IL1RAP: variants seen among roughly 807,000 people sequenced by gnomAD.
IL1RAP encodes interleukin-1 receptor accessory protein.
A neutral mutation model predicts 60.7 loss-of-function variants in IL1RAP; 35 were observed. The observed-to-expected ratio is 0.58, with a 90% CI of 0.44 to 0.76. IL1RAP has a LOEUF of 0.76. IL1RAP is among the 30% of genes least tolerant of loss of function. IL1RAP has a pLI of 0.00. For missense variants in IL1RAP, 572 were observed against 693.9 expected (o/e 0.82, Z 1.97); for synonymous variants, 268 against 250.9 (o/e 1.07, Z -0.64).
intron 3 of IL1RAP, among the ~76,000 whole-genome samples, chr3:190,579,523 C>G (rs934257954): frequency 2.0e-5 from 3 of 152,064 alleles, no homozygotes; most frequent in Non-Finnish European, 4.4e-5. Flanking sequence ...TCCTCTGTTC[C>G]CAAGCCCATT....
chr3:190,608,315 G>C (rs947560116), intron 4 of IL1RAP, among the ~76,000 whole-genome samples: 2 of 152,102 alleles, frequency 1.3e-5, no homozygotes, highest in African/African-American at 4.8e-5. Context: ...ACTGAATACT[G>C]TAGGCAATTA....
chr3:190,629,101 A>G (rs573033671), intron 8 of IL1RAP, among the ~76,000 whole-genome samples: 25 of 152,356 alleles, frequency 1.6e-4, no homozygotes, highest in Middle Eastern at 3.4e-3. Context: ...AGAGAGATCT[A>G]TAAAAAGAAG....
In IL1RAP at chr3:190,522,298, C is replaced by CTTCCTTCT. The variant is rs1450776864; in HGVS notation, c.-89+8086_-89+8087insTTTCCTTC. Among the ~76,000 whole-genome samples the CTTCCTTCT allele has an allele frequency of 5.0e-4, 44 of 88,360 alleles. No individual in the cohort carries two copies. The African/African-American group carries it at 5.4e-3, about 11-fold the overall frequency. The allele number at this position is 88,360 out of a possible 152,430, so 58.0% of individuals were successfully genotyped here. A position where few individuals can be genotyped will look rare whatever the true frequency, so the allele number is the denominator to read the frequency against. On this transcript the variant is annotated intron_variant, in intron 1 of 11. Transcript: ENST00000447382. ...ATGCCTGCCTTCCTTTGCTTCCTTC[C>CTTCCTTCT]TTCCTTCCTTCCTTCCTTCCTTCCT...
chr3:190,576,383 T>TATAC (rs1553841705), intron 3 of IL1RAP, among the ~76,000 whole-genome samples: 5 of 151,400 alleles, frequency 3.3e-5, no homozygotes, highest in East Asian at 2.0e-4. Context: ...TATATATATA[T>TATAC]ACACACACAC....
At chr3:190,526,083 C>T (rs1340195036) in intron 1 of IL1RAP, among the ~76,000 whole-genome samples, 1 of 152,216 alleles carries the variant, frequency 6.6e-6, no homozygotes, top group Non-Finnish European at 1.5e-5. Flanking sequence ...GTCATCTCTT[C>T]CGTGATGTGT....
In IL1RAP at chr3:190,648,533, T is replaced by C. The variant is rs1416586200; in HGVS notation, c.1541T>C (p.Leu514Pro). The C allele has an allele frequency of 6.2e-7, 1 of 1,614,002 alleles. No individual in the cohort carries two copies. Among genetic ancestry groups the C allele is most frequent in the Admixed American group, 1.7e-5 (1 of 60,016 alleles). The change falls in exon 12 of 12, where the codon CTG (leucine) becomes CCG (proline). Residue 514 changes from leucine to proline, a missense_variant. Physicochemically the swap from Leu to Pro is moderately conservative, Grantham distance 98. Transcript: ENST00000447382. ...KAVKETKVKE[L>P]KRAKTVLTVI... ...GTGAAGGAAACGAAGGTGAAAGAGC[T>C]GAAGAGGGCTAAGACGGTGCTCACG... is the stretch of plus-strand genomic sequence containing the variant.
intron 3 of IL1RAP, among the ~76,000 whole-genome samples, chr3:190,596,862 C>T (rs1729421985): frequency 6.6e-6 from 1 of 152,120 alleles, no homozygotes; most frequent in South Asian, 2.1e-4. Flanking sequence ...TTACATGACA[C>T]TCCAGCCTGT....
downstream of IL1RAP, chr3:190,656,007 G>A: frequency 1.3e-6 from 2 of 1,537,216 alleles, no homozygotes; most frequent in Non-Finnish European, 8.7e-7. Context: ...TGGGTGTCAT[G>A]TGCCAGAACT....
At chr3:190,556,377 TA>T (rs1725431484) in intron 2 of IL1RAP, among the ~76,000 whole-genome samples, 161 bp downstream of exon 2, 1 of 151,418 alleles carries the variant, frequency 6.6e-6, no homozygotes, top group African/African-American at 2.4e-5. Context: ...TAGCATTTTT[TA>T]TATATATATA....
intron 9 of IL1RAP, among the ~76,000 whole-genome samples, chr3:190,634,707 G>GTGTT (rs1733056502): frequency 1.5e-5 from 2 of 134,714 alleles, no homozygotes; most frequent in East Asian, 4.3e-4. Context: ...GGCCTGTTGT[G>GTGTT]TTTTTTTTTT....
At chr3:190,561,710 A>C (rs921568285) in intron 2 of IL1RAP, among the ~76,000 whole-genome samples, 1 of 152,308 alleles carries the variant, frequency 6.6e-6, no homozygotes, top group East Asian at 1.9e-4. Flanking sequence ...GAATGCAGTG[A>C]AATCTCTAGT....
At chr3:190,617,434 A>G (rs1731374626) in intron 5 of IL1RAP, among the ~76,000 whole-genome samples, 1 of 152,212 alleles carries the variant, frequency 6.6e-6, no homozygotes, top group Non-Finnish European at 1.5e-5. Context: ...CGGTTGCCAC[A>G]GCAACCATAG....
chr3:190,634,707 G>GTTTTTTTTTTGTTTT (rs1733056790), intron 9 of IL1RAP, among the ~76,000 whole-genome samples: 1 of 134,714 alleles, frequency 7.4e-6, no homozygotes, highest in African/African-American at 3.0e-5. Context: ...GGCCTGTTGT[G>GTTTTTTTTTTGTTTT]TTTTTTTTTT....
intron 6 of IL1RAP, among the ~76,000 whole-genome samples, chr3:190,621,066 G>T (rs191044495): frequency 1.3e-5 from 2 of 152,298 alleles, no homozygotes; most frequent in East Asian, 3.9e-4. Context: ...CAGAAATAGA[G>T]AAGTAGTGTC....
At chr3:190,521,893 G>C (rs1381203445) in intron 1 of IL1RAP, among the ~76,000 whole-genome samples, 1 of 151,986 alleles carries the variant, frequency 6.6e-6, no homozygotes, top group Admixed American at 6.6e-5. Flanking sequence ...AATCTCCATA[G>C]TTTTCTACAA....
intron 2 of IL1RAP, among the ~76,000 whole-genome samples, chr3:190,557,733 G>T (rs909962899): frequency 6.6e-6 from 1 of 152,098 alleles, no homozygotes; most frequent in African/African-American, 2.4e-5. Flanking sequence ...TGTCAAAAAG[G>T]CTCCATAAAT....
chr3:190,638,204 C>T (rs1733377790), intron 9 of IL1RAP, among the ~76,000 whole-genome samples: 1 of 151,242 alleles, frequency 6.6e-6, no homozygotes, highest in South Asian at 2.1e-4. Flanking sequence ...ACTGTTAGAC[C>T]TTTTTTTTTC....
At position 190,537,685 on chromosome 3, in the gene IL1RAP, G is replaced by T. The variant is rs115258914; in HGVS notation, c.-88-18445G>T. 1.8e-3 allele frequency among the ~76,000 whole-genome samples: 272 copies of T among 151,738 alleles called. 1 individual carries two copies. The highest frequency in any genetic ancestry group is 6.2e-3 in the African/African-American group (258 of 41,488). ...ATTTAGTAATACATATCAAAATGTA[G>T]AATATGAATAACTTCAGAATTTCAA... On this transcript the variant is annotated intron_variant, in intron 1 of 11. Transcript: ENST00000447382.
chr3:190,610,867 G>A (rs1730762418), intron 5 of IL1RAP, among the ~76,000 whole-genome samples: 2 of 152,124 alleles, frequency 1.3e-5, no homozygotes, highest in South Asian at 2.1e-4. Context: ...AATTTGAACC[G>A]AAATAATTTG....
Sources: allele counts gnomAD v4.1 joint callset (sites outside exome capture counted in the v4.1 genomes callset), GRCh38; gene constraint gnomAD v4.1.1; transcripts MANE v1.5; gene names NCBI Gene and HGNC (gene_info 2026-07-23, HGNC 2026-07-21).